OPLAH: variants seen among roughly 807,000 people sequenced by gnomAD.
OPLAH encodes the protein 5-oxoprolinase.
OPLAH carries 103 observed loss-of-function variants against 122.8 expected under a neutral mutation model. The ratio of observed to expected loss-of-function variants is 0.84; its 90% CI spans 0.71 to 0.99. The LOEUF (loss-of-function observed/expected upper bound fraction) is 0.99. Among genes scored for constraint, OPLAH ranks in the 50% least tolerant of loss-of-function variants. OPLAH has a pLI of 0.00. For synonymous variants in OPLAH, 875 were observed against 796.0 expected (o/e 1.10, Z -1.67); for missense variants, 1,902 against 1,836.5 (o/e 1.04, Z -0.65).
chr8:144,050,716 G>GT (rs1835352516), downstream of OPLAH: 1 of 985,538 alleles, frequency 1.0e-6, no homozygotes, highest in South Asian at 4.7e-5. Flanking sequence ...TAGGGGGAGG[G>GT]TATCGGAGCG....
intron 22 of OPLAH, 37 bp from the exon 23 acceptor site, chr8:144,052,635 TG>T: frequency 6.4e-7 from 1 of 1,562,826 alleles, no homozygotes; most frequent in East Asian, 2.3e-5. Flanking sequence ...GCTCTTGGGG[TG>T]GGCTCCGGGA....
chr8:144,056,777 A>G, intron 12 of OPLAH, 22 bp from the exon 13 acceptor site: 1 of 1,590,860 alleles, frequency 6.3e-7, no homozygotes, highest in Non-Finnish European at 8.6e-7. Flanking sequence ...GGTTGGGGGC[A>G]CTCACACCAA....
Position 144,053,284 on chromosome 8 carries a change from C to T in OPLAH, c.2796G>A (p.Lys932=). Residue 932 remains lysine (K), a synonymous_variant, in exon 20 of 27, where the codon AAG becomes AAA. Coordinates refer to ENST00000618853, the MANE Select transcript of OPLAH (RefSeq NM_017570.5). Reference sequence around the variant, plus strand: ...TGAGCTCCCCCACCAGCTGGATGCCCTTCTGGTTGGCTGCCACCTGGGCAC... The same window carrying T: ...TGAGCTCCCCCACCAGCTGGATGCCTTTCTGGTTGGCTGCCACCTGGGCAC... The part of the protein sequence containing the change: ...DLRAQVAANQ[K]GIQLVGELIG... The T allele has an allele frequency of 6.2e-7, 1 of 1,613,110 alleles. No homozygotes were observed. The highest frequency in any genetic ancestry group is 8.5e-7 in the Non-Finnish European group (1 of 1,179,832).
chr8:144,057,236 G>A lies in OPLAH; in HGVS notation c.1507C>T (p.Leu503=). 1.2e-6 allele frequency: 2 copies of A among 1,612,216 alleles called. No individual in the cohort carries two copies. Among genetic ancestry groups the A allele is most frequent in the Non-Finnish European group, 1.7e-6 (2 of 1,179,686 alleles). ...GQHACAIARA[L]GMDTVHIHRH... Reference sequence around the variant, plus strand: ...TGGATGTGCACCGTGTCCATGCCCAGGGCCCGGGCGATGGCACATGCATGC... The same window carrying A: ...TGGATGTGCACCGTGTCCATGCCCAAGGCCCGGGCGATGGCACATGCATGC... The change falls in exon 11 of 27, where the codon CTG becomes TTG. Residue 503 remains leucine (L), a synonymous_variant. Transcript: ENST00000618853.
In OPLAH at chr8:144,059,879, G is replaced by T. The variant is rs182298526; in HGVS notation, c.154C>A (p.Arg52Ser). Residue 52 changes from arginine (R) to serine (S), a missense_variant, in exon 2 of 27, where the codon CGC becomes AGC. This residue lies in a region of OPLAH where 168 missense variants were observed against 170.6 expected (regional missense o/e 0.98). Coordinates refer to ENST00000618853, the MANE Select transcript of OPLAH (RefSeq NM_017570.5). The stretch of plus-strand genomic sequence containing the variant: ...TGGCCCACCTGCTCCAGGATGCGGC[G>T]GATGCCTTCGGTTGGCGCGTCCGCA... Reference protein sequence around the residue: ...NYADAPTEGIRRILEQEAGML... With the variant: ...NYADAPTEGISRILEQEAGML... 6.2e-6 allele frequency: 10 copies of T among 1,612,762 alleles called. No individual in the cohort carries two copies. The South Asian group carries it at 1.1e-4, about 18-fold the overall frequency.
At position 144,057,621 on chromosome 8, in the gene OPLAH, G is replaced by T; in HGVS notation, c.1249C>A (p.Pro417Thr). The T allele has an allele frequency of 1.3e-6, 2 of 1,597,256 alleles. No individual in the cohort carries two copies. The highest frequency in any genetic ancestry group is 2.2e-5 in the South Asian group (2 of 89,128). The change falls in exon 10 of 27, where the codon CCA becomes ACA. Residue 417 changes from proline (P) to threonine (T), a missense_variant. This residue lies in a region of OPLAH where 1,726 missense variants were observed against 1,642.1 expected (regional missense o/e 1.05). Transcript: ENST00000618853. ...TTGCGGGAGGCCTCAGGGGAAAGTG[G>T]TTGGTTCTCTCCCGGCCCAAAAATG... ...PCIFGPGENQPLSPEASRKAL... is the reference protein window; with the variant it reads ...PCIFGPGENQTLSPEASRKAL...
Position 144,057,442 on chromosome 8 carries a change from A to G in OPLAH, c.1422+6T>C. On this transcript the variant is annotated splice_donor_region_variant and intron_variant, in intron 10 of 26. Coordinates refer to ENST00000618853, the MANE Select transcript of OPLAH (RefSeq NM_017570.5). ...AGGACAGGCGGGAGAGCAGAGGTGG[A>G]CGTACCTGCGTGAGTGCACGGATGG... The G allele has an allele frequency of 6.3e-7, 1 of 1,581,926 alleles. No individual in the cohort carries two copies. The highest frequency in any genetic ancestry group is 8.6e-7 in the Non-Finnish European group (1 of 1,164,186).
rs782262122 is a variant in OPLAH, at chr8:144,051,340, G to A, written c.3853C>T (p.Gln1285Ter). ...TTGCGGGATCCTCACACGGCCTCCT[G>A]GGCCCGGCGATACTCATAGACGCTG... The part of the protein sequence containing the change: ...HGSVYEYRRA[Q>*]EAV Residue 1285 changes from glutamine (Q) to a stop codon, truncating the protein, a stop_gained, in exon 27 of 27, where the codon CAG (glutamine) becomes TAG (stop). Coordinates refer to ENST00000618853, the MANE Select transcript of OPLAH (RefSeq NM_017570.5). LOFTEE classifies it high-confidence loss of function. 1.5e-5 allele frequency: 24 copies of A among 1,611,566 alleles called. No homozygotes were observed. The East Asian group carries it at 4.5e-4, about 30-fold the overall frequency.
Position 144,054,826 on chromosome 8 carries a change from T to G in OPLAH, c.2497A>C (p.Thr833Pro), listed in dbSNP as rs1835469300. The change falls in exon 18 of 27, where the codon ACT (threonine) becomes CCT (proline). Residue 833 changes from threonine (T) to proline (P), a missense_variant. Coordinates refer to ENST00000618853, the MANE Select transcript of OPLAH (RefSeq NM_017570.5). ...SAGGSHLPDL[T>P]VITPVFWPGQ... is the part of the protein sequence containing the mutation. ...GCACCCCTCACCGGTGTGATAACAG[T>G]CAGGTCTGGCAGGTGGCTGCCCCCG... 1.2e-6 allele frequency: 2 copies of G among 1,612,070 alleles called. No individual in the cohort carries two copies.
At chr8:144,060,432 G>A (rs1201282531) in intron 1 of OPLAH, among the ~76,000 whole-genome samples, 2 of 152,244 alleles carry the variant, frequency 1.3e-5, no homozygotes, top group African/African-American at 4.8e-5. Flanking sequence ...AGGGGGTTTG[G>A]GGCGAGCTGG....
downstream of OPLAH, chr8:144,050,848 A>T (rs1835355521): frequency 1.0e-6 from 1 of 991,316 alleles, no homozygotes; most frequent in South Asian, 4.5e-5. Flanking sequence ...CTCCCCCAAG[A>T]TGCCGAGGCG....
In OPLAH at chr8:144,052,999, T is replaced by A. The variant is rs782223346; in HGVS notation, c.3002A>T (p.Gln1001Leu). 3 of 1,601,472 alleles carry A rather than the reference T, an allele frequency of 1.9e-6. No individual in the cohort carries two copies. In the South Asian group the frequency reaches 3.4e-5, roughly 18 times the overall value. ...DDGSPIRLRV[Q>L]ISLSQGSAVF... is the part of the protein sequence containing the mutation. ...ACGGCCCACCTGACTCAGGCTGATC[T>A]GCACACGGAGGCGGATGGGGGAACC... The change falls in exon 21 of 27, where the codon CAG becomes CTG. Residue 1001 changes from glutamine (Q) to leucine (L), a missense_variant. Coordinates refer to ENST00000618853, the MANE Select transcript of OPLAH (RefSeq NM_017570.5).
At chr8:144,060,761 C>T (rs1564295737), upstream of OPLAH, 2 of 152,206 alleles carry the variant, frequency 1.3e-5, no homozygotes, top group African/African-American at 2.4e-5. Flanking sequence ...GCCCGCCCCC[C>T]GCGCCACTGG....
intron 7 of OPLAH, 22 bp from the exon 8 acceptor site, chr8:144,058,170 T>C: frequency 6.2e-7 from 1 of 1,611,384 alleles, no homozygotes; most frequent in Middle Eastern, 1.7e-4. Flanking sequence ...GGGGTGCTGG[T>C]GGGTCACTTG....
At position 144,057,593 on chromosome 8, in the gene OPLAH, G is replaced by T; in HGVS notation, c.1277C>A (p.Ala426Asp). Reference protein sequence around the residue: ...QPLSPEASRKALEAVATEVNS... With the variant: ...QPLSPEASRKDLEAVATEVNS... The stretch of plus-strand genomic sequence containing the variant: ...GACCTCAGTGGCCACAGCCTCCAGG[G>T]CTTTGCGGGAGGCCTCAGGGGAAAG... Residue 426 changes from alanine (A) to aspartate (D), a missense_variant, in exon 10 of 27, where the codon GCC (alanine) becomes GAC (aspartate). Coordinates refer to ENST00000618853, the MANE Select transcript of OPLAH (RefSeq NM_017570.5). The T allele has an allele frequency of 6.3e-7, 1 of 1,586,462 alleles. No homozygotes were observed. Among genetic ancestry groups the T allele is most frequent in the Non-Finnish European group, 8.6e-7 (1 of 1,165,854 alleles).
chr8:144,062,772 C>T (rs1034623828), upstream of OPLAH, among the ~76,000 whole-genome samples: 1 of 151,872 alleles, frequency 6.6e-6, no homozygotes, highest in Admixed American at 6.6e-5. Context: ...GCCACCCCCT[C>T]GCCTCTCTGT....
Position 144,053,046 on chromosome 8 carries a change from G to A in OPLAH, c.2955C>T (p.Ser985=). Residue 985 remains serine, a synonymous_variant, in exon 21 of 27, where the codon TCC becomes TCT. Transcript: ENST00000618853. The part of the protein sequence containing the change: ...RQARGLPLEV[S]SEDHMDDGSP... ...AACCGTCGTCCATGTGGTCTTCCGA[G>A]GACACCTCCAGGGGCAGGCCCCGGG... The A allele has an allele frequency of 1.2e-6, 2 of 1,603,150 alleles. No individual in the cohort carries two copies. The highest frequency in any genetic ancestry group is 1.7e-4 in the Middle Eastern group (1 of 6,040).
Position 144,055,138 on chromosome 8 carries a change from TC to T in OPLAH, c.2299del (p.Glu767SerfsTer52). ...QRTAISTNIK[E>X]RLDFSCALFG... Reference sequence around the variant, plus strand: ...GAGGGCACAGGAGAAGTCCAGACGCTCCTTGATGTTGGTGGAGATGGCTGTG... The same window carrying T: ...GAGGGCACAGGAGAAGTCCAGACGCTCTTGATGTTGGTGGAGATGGCTGTG... On this transcript the variant is annotated frameshift_variant, in exon 17 of 27. Transcript: ENST00000618853. LOFTEE classifies it high-confidence loss of function. This position sits in a 1 kb window ranked among gnomAD's most constrained non-coding sequence, Gnocchi z 6.5. The T allele has an allele frequency of 6.3e-7, 1 of 1,582,302 alleles. No individual in the cohort carries two copies.
At position 144,051,892 on chromosome 8, in the gene OPLAH, C is replaced by A. The variant is rs1554757741; in HGVS notation, c.3622+24G>T. On this transcript the variant is annotated intron_variant, in intron 25 of 26. Transcript: ENST00000618853. The stretch of plus-strand genomic sequence containing the variant: ...GGGTGGGGGCGGGGGCGGGGAGGGC[C>A]GCGAGGGCTGGGGAACCGCGCACCG... 5.9e-6 allele frequency: 9 copies of A among 1,528,370 alleles called. No homozygotes were observed. The African/African-American group carries it at 9.6e-5, about 16-fold the overall frequency. The allele number at this position is 1,528,370 out of a possible 1,614,324, so 94.7% of individuals were successfully genotyped here. A position where few individuals can be genotyped will look rare whatever the true frequency, so the allele number is the denominator to read the frequency against.
Sources: gnomAD v4.1 joint callset for allele counts (sites outside exome capture counted in the v4.1 genomes callset) on GRCh38, gnomAD v4.1.1 for gene constraint, gnomAD v4.1.1 regional missense constraint, Gnocchi (gnomAD v3.1) non-coding constraint, MANE v1.5 for transcripts, NCBI Gene and HGNC (gene_info 2026-07-23, HGNC 2026-07-21) for gene names.